The following SMIM31 variants were observed in gnomAD, a reference collection of about 807,000 sequenced individuals.
SMIM31 encodes the protein human epithelial cell program regulator.
chr4:164,767,931 G>A (rs143162256), intron 1 of SMIM31, among the ~76,000 whole-genome samples: 3 of 152,210 alleles, frequency 2.0e-5, no homozygotes, highest in East Asian at 1.9e-4. Flanking sequence ...CTAGGGTAGT[G>A]AGCTAGAAAT....
At position 164,803,561 on chromosome 4, in the gene SMIM31, G is replaced by A. The variant is rs1182680592; in HGVS notation, c.*2367G>A. ...TGAAATCCCAGCACTTTGTGAAGCC[G>A]AGGTGGGTGGATCACCTGAGGTCAA... On this transcript the variant is annotated 3_prime_UTR_variant, in exon 3 of 3. Coordinates refer to ENST00000507311, the MANE Select transcript of SMIM31 (RefSeq NM_001352885.1). The A allele has an allele frequency of 2.0e-5, 3 of 152,194 alleles. No homozygotes were observed. The highest frequency in any genetic ancestry group is 2.9e-5 in the Non-Finnish European group (2 of 68,060). The allele number at this position is 152,194 out of a possible 1,614,324, so 9.4% of individuals were successfully genotyped here. A position where few individuals can be genotyped will look rare whatever the true frequency, so the allele number is the denominator to read the frequency against.
chr4:164,797,661 A>G (rs1158629951), intron 2 of SMIM31, among the ~76,000 whole-genome samples: 1 of 151,932 alleles, frequency 6.6e-6, no homozygotes, highest in Non-Finnish European at 1.5e-5. Flanking sequence ...AAGAGGTTTC[A>G]CCATTTTGGC....
intron 2 of SMIM31, among the ~76,000 whole-genome samples, chr4:164,783,335 C>G (rs1271992538): frequency 1.3e-5 from 2 of 151,348 alleles, no homozygotes; most frequent in Admixed American, 6.6e-5. Flanking sequence ...ACCAGCCTGG[C>G]CAACATGGTG....
chr4:164,762,833 G>C (rs1341409601), intron 1 of SMIM31, among the ~76,000 whole-genome samples: 1 of 152,176 alleles, frequency 6.6e-6, no homozygotes, highest in South Asian at 2.1e-4. Flanking sequence ...TTGTGGGTGA[G>C]TTTATGTGAT....
chr4:164,764,021 G>C (rs946860818), intron 1 of SMIM31, among the ~76,000 whole-genome samples: 10 of 152,172 alleles, frequency 6.6e-5, no homozygotes. Flanking sequence ...ATTTATAATA[G>C]TATATTTATA....
At chr4:164,763,486 GA>G (rs1486502353) in intron 1 of SMIM31, among the ~76,000 whole-genome samples, 1 of 151,966 alleles carries the variant, frequency 6.6e-6, no homozygotes, top group African/African-American at 2.4e-5. Context: ...TAAAATTAAA[GA>G]AAAAAACTTT....
At chr4:164,790,512 C>T (rs1276834323) in intron 2 of SMIM31, among the ~76,000 whole-genome samples, 1 of 152,088 alleles carries the variant, frequency 6.6e-6, no homozygotes, top group African/African-American at 2.4e-5. Context: ...TGGCAATAAA[C>T]TCTTATGACT....
intron 1 of SMIM31, among the ~76,000 whole-genome samples, chr4:164,760,524 A>AT (rs1485740871): frequency 1.3e-5 from 2 of 151,460 alleles, no homozygotes; most frequent in Non-Finnish European, 2.9e-5. Context: ...TGAGGTCAGG[A>AT]GTTCAAGACC....
intron 1 of SMIM31, among the ~76,000 whole-genome samples, chr4:164,756,444 C>T (rs1226891397): frequency 4.6e-5 from 7 of 151,500 alleles, no homozygotes; most frequent in African/African-American, 9.7e-5. Flanking sequence ...TGGTGGTGGG[C>T]GCCTGTAGTT....
chr4:164,763,060 A>G (rs1732673411), intron 1 of SMIM31, among the ~76,000 whole-genome samples: 1 of 152,206 alleles, frequency 6.6e-6, no homozygotes, highest in Non-Finnish European at 1.5e-5. Flanking sequence ...TAAAGAAAAA[A>G]ATGAAAGTTA....
At chr4:164,766,189 A>T (rs1579062363) in intron 1 of SMIM31, among the ~76,000 whole-genome samples, 1 of 152,336 alleles carries the variant, frequency 6.6e-6, no homozygotes, top group East Asian at 1.9e-4. Context: ...TGTTTTATGG[A>T]AACCTTAAAG....
At position 164,778,064 on chromosome 4, in the gene SMIM31, T is replaced by C. The variant is rs78943428; in HGVS notation, c.112+7509T>C. 2.5e-3 allele frequency among the ~76,000 whole-genome samples: 377 copies of C among 152,320 alleles called. 4 individuals are homozygous for C. The highest frequency in any genetic ancestry group is 8.4e-3 in the African/African-American group (350 of 41,566). On this transcript the variant is annotated intron_variant, in intron 2 of 2. Coordinates refer to ENST00000507311, the MANE Select transcript of SMIM31 (RefSeq NM_001352885.1). ...TGTTTAAGAAGATCCCTACCGTTTT[T>C]TCAAAGCTGGCCTCACAAACCAGAG...
At chr4:164,762,967 T>C (rs868108713) in intron 1 of SMIM31, among the ~76,000 whole-genome samples, 21 of 152,274 alleles carry the variant, frequency 1.4e-4, no homozygotes, top group South Asian at 6.2e-4. Context: ...TAAAGTGACT[T>C]TGGAGATCTA....
At chr4:164,768,735 G>A (rs180727267) in intron 1 of SMIM31, among the ~76,000 whole-genome samples, 99 of 152,140 alleles carry the variant, frequency 6.5e-4, no homozygotes, top group South Asian at 1.0e-3. Context: ...AAATTTTTCT[G>A]TTTTTATTTT....
At chr4:164,754,629 C>A (rs1372904985) in intron 1 of SMIM31, among the ~76,000 whole-genome samples, 2 of 119,334 alleles carry the variant, frequency 1.7e-5, no homozygotes, top group African/African-American at 3.3e-5. Context: ...TTTTGTAGAA[C>A]AACTCCCCCT....
chr4:164,773,683 G>T (rs1409730238), intron 2 of SMIM31, among the ~76,000 whole-genome samples: 2 of 152,162 alleles, frequency 1.3e-5, no homozygotes, highest in African/African-American at 4.8e-5. Flanking sequence ...GATTTGGGTG[G>T]ATGGGGACAC....
chr4:164,774,227 A>C (rs910734055), intron 2 of SMIM31, among the ~76,000 whole-genome samples: 1 of 152,028 alleles, frequency 6.6e-6, no homozygotes, highest in African/African-American at 2.4e-5. Context: ...AACCAATACA[A>C]CTTGTATTCA....
At chr4:164,799,442 G>A (rs1433314336) in intron 2 of SMIM31, among the ~76,000 whole-genome samples, 1 of 151,008 alleles carries the variant, frequency 6.6e-6, no homozygotes, top group African/African-American at 2.4e-5. Context: ...CCAGTCTGAG[G>A]GATTTTTTTT....
chr4:164,781,687 A>G (rs1360528764), intron 2 of SMIM31, among the ~76,000 whole-genome samples: 1 of 152,152 alleles, frequency 6.6e-6, no homozygotes, highest in Non-Finnish European at 1.5e-5. Flanking sequence ...TAATGTCTCC[A>G]GAGACTGCCA....
Sources: gnomAD v4.1 joint callset for allele counts (sites outside exome capture counted in the v4.1 genomes callset) on GRCh38, gnomAD v4.1.1 for gene constraint, MANE v1.5 for transcripts, NCBI Gene and HGNC (gene_info 2026-07-23, HGNC 2026-07-21) for gene names.